Variants in DLGAP2 observed in about 807,000 individuals in gnomAD.
The protein encoded by DLGAP2 is disks large-associated protein 2.
A neutral mutation model predicts 100.3 loss-of-function variants in DLGAP2; 26 were observed. The observed-to-expected ratio is 0.26, with a 90% confidence interval of 0.19 to 0.36. DLGAP2 has a LOEUF of 0.36. Ranked by LOEUF, DLGAP2 falls within the 10% of genes least tolerant of loss-of-function variation. DLGAP2 has a pLI of 1.00. For synonymous variants in DLGAP2, 886 were observed against 630.1 expected (o/e 1.41, Z -6.08); for missense variants, 1,858 against 1,453.2 (o/e 1.28, Z -4.53).
At chr8:1,694,462 G>T (rs116698086) in intron 13 of DLGAP2, among the ~76,000 whole-genome samples, 2 of 152,208 alleles carry the variant, frequency 1.3e-5, no homozygotes, top group African/African-American at 2.4e-5. Context: ...CGGACCGCGG[G>T]GGGCAGAGCC....
At chr8:1,480,439 A>T (rs758750720) in intron 3 of DLGAP2, among the ~76,000 whole-genome samples, 3 of 152,164 alleles carry the variant, frequency 2.0e-5, no homozygotes, top group Non-Finnish European at 4.4e-5. Context: ...TCCCACACAC[A>T]TATTTTGCTT....
chr8:1,240,257 T>C (rs193298979), intron 2 of DLGAP2, among the ~76,000 whole-genome samples: 17,606 of 74,282 alleles, frequency 0.24, 1,905 homozygotes, highest in Non-Finnish European at 0.32. Context: ...CTAGTTCTCT[T>C]ACATGGCGCC....
At chr8:1,477,754 C>G (rs578067599) in intron 3 of DLGAP2, among the ~76,000 whole-genome samples, 2 of 149,856 alleles carry the variant, frequency 1.3e-5, no homozygotes, top group South Asian at 4.2e-4. Context: ...TCAGAGCCCA[C>G]AAGAAACCAG....
chr8:1,358,522 C>T (rs1801906261), intron 3 of DLGAP2, among the ~76,000 whole-genome samples: 1 of 152,150 alleles, frequency 6.6e-6, no homozygotes, highest in African/African-American at 2.4e-5. Context: ...GTCACCATTT[C>T]CCTCTTTGCA....
intron 5 of DLGAP2, among the ~76,000 whole-genome samples, chr8:1,554,739 C>A (rs900850463): frequency 8.5e-5 from 13 of 152,128 alleles, no homozygotes; most frequent in African/African-American, 3.1e-4. Flanking sequence ...TGTTCCAGAA[C>A]TTGGCAAGCA....
chr8:1,589,737 G>T (rs981521775), intron 6 of DLGAP2, among the ~76,000 whole-genome samples: 1 of 152,200 alleles, frequency 6.6e-6, no homozygotes. Flanking sequence ...AAGGGAATAC[G>T]TAGAGACAGA....
At chr8:1,332,673 C>T (rs1801186000) in intron 3 of DLGAP2, among the ~76,000 whole-genome samples, 1 of 152,202 alleles carries the variant, frequency 6.6e-6, no homozygotes, top group South Asian at 2.1e-4. Flanking sequence ...ACAGGCTCAA[C>T]CTGCAGCCGC....
chr8:1,524,971 G>A (rs549621838), intron 4 of DLGAP2, among the ~76,000 whole-genome samples: 72 of 152,146 alleles, frequency 4.7e-4, no homozygotes, highest in African/African-American at 1.3e-3. Flanking sequence ...GTGGTTTTGC[G>A]GGGAGATTGT....
intron 2 of DLGAP2, among the ~76,000 whole-genome samples, chr8:960,252 T>TTTTTTTTTC (rs369284313): frequency 7.0e-6 from 1 of 142,010 alleles, no homozygotes; most frequent in Admixed American, 7.1e-5. Context: ...TTTTTTTTTT[T>TTTTTTTTTC]CCCGAGACAC....
chr8:813,236 C>G (rs1180604638), intron 1 of DLGAP2, among the ~76,000 whole-genome samples: 1 of 151,310 alleles, frequency 6.6e-6, no homozygotes, highest in Non-Finnish European at 1.5e-5. Context: ...TCGTGGATAT[C>G]CTAGTGGTTT....
At chr8:1,668,816 A>G (rs980979629) in intron 9 of DLGAP2, 138 bp downstream of exon 9, 1 of 868,622 alleles carries the variant, frequency 1.2e-6, no homozygotes, top group Non-Finnish European at 1.7e-6. Flanking sequence ...ATCTGAGAGC[A>G]GGGCTGTGCG....
At position 1,191,173 on chromosome 8, in the gene DLGAP2, ATTT is replaced by A. The variant is rs34977390; in HGVS notation, c.74-67664_74-67662del. ...TAAGTGTTTCAATATAAGTAGATAC[ATTT>A]TTTTTTTTTTTTTGAGACGGAATCT... is the stretch of plus-strand genomic sequence containing the variant. On this transcript the variant is annotated intron_variant, in intron 2 of 14. Coordinates refer to ENST00000637795, the MANE Select transcript of DLGAP2 (RefSeq NM_001346810.2). Among the ~76,000 whole-genome samples the A allele has an allele frequency of 3.6e-4, 50 of 140,318 alleles. 1 individual carries two copies. The highest frequency in any genetic ancestry group is 3.4e-4 in the Non-Finnish European group (22 of 65,202). 92.1% of individuals were successfully genotyped at this position (140,318 alleles called of 152,430 possible).
At chr8:1,372,194 A>T (rs1272451357) in intron 3 of DLGAP2, among the ~76,000 whole-genome samples, 2 of 150,038 alleles carry the variant, frequency 1.3e-5, no homozygotes, top group East Asian at 3.9e-4. Flanking sequence ...GCTGGGGCGC[A>T]GGTCACCGTG....
chr8:1,229,423 G>T (rs761776632), intron 2 of DLGAP2, among the ~76,000 whole-genome samples: 2 of 151,994 alleles, frequency 1.3e-5, no homozygotes, highest in Non-Finnish European at 2.9e-5. Flanking sequence ...TCTGTTTAGG[G>T]TTTGTATTTC....
intron 3 of DLGAP2, among the ~76,000 whole-genome samples, chr8:1,430,603 A>G (rs973164562): frequency 6.6e-6 from 1 of 152,240 alleles, no homozygotes; most frequent in African/African-American, 2.4e-5. Context: ...AGATCAGACC[A>G]TGGATCTCAC....
At chr8:969,359 G>C (rs956830706) in intron 2 of DLGAP2, among the ~76,000 whole-genome samples, 5 of 152,074 alleles carry the variant, frequency 3.3e-5, no homozygotes, top group Non-Finnish European at 7.4e-5. Context: ...ATGCGCGAGT[G>C]AGCCAATCCC....
chr8:1,260,899 C>A lies in DLGAP2; in HGVS notation c.106+2016C>A, dbSNP rs181025597. Among the ~76,000 whole-genome samples, 23 of 152,350 alleles carry A rather than the reference C, an allele frequency of 1.5e-4. No individual in the cohort carries two copies. In the East Asian group the frequency reaches 4.0e-3, roughly 27 times the overall value. ...CTGTGACCTCTCAGGCCCAGCACCA[C>A]TGACGTCAGGCCAGAGTGCGTGGTC... On this transcript the variant is annotated intron_variant, in intron 3 of 14. Transcript: ENST00000637795.
rs189865658 is a variant in DLGAP2 at position 1,096,338 on chromosome 8, A to C, written c.74-162513A>C. Among the ~76,000 whole-genome samples, 94 of 152,362 alleles carry C rather than the reference A, an allele frequency of 6.2e-4. 1 individual carries two copies. Among genetic ancestry groups the C allele is most frequent in the African/African-American group, 2.1e-3 (89 of 41,596 alleles). ...GGAGGTTTGTGTGTGGGCTCAGGGC[A>C]CCAGCATTTAAATGCATTCCGGGGC... On this transcript the variant is annotated intron_variant, in intron 2 of 14. Coordinates refer to ENST00000637795, the MANE Select transcript of DLGAP2 (RefSeq NM_001346810.2).
chr8:837,883 GTTGTTTT>G (rs1301503233), intron 1 of DLGAP2, among the ~76,000 whole-genome samples: 1 of 132,146 alleles, frequency 7.6e-6, no homozygotes, highest in Non-Finnish European at 1.6e-5. Flanking sequence ...CGCCCGGCTA[GTTGTTTT>G]TTGTTTTTTT....
Sources: gnomAD v4.1 joint callset for allele counts (sites outside exome capture counted in the v4.1 genomes callset) on GRCh38, gnomAD v4.1.1 for gene constraint, MANE v1.5 for transcripts, NCBI Gene and HGNC (gene_info 2026-07-23, HGNC 2026-07-21) for gene names.